Variants in TGFB2 observed in about 807,000 individuals in gnomAD.
The protein encoded by TGFB2 is transforming growth factor beta-2 proprotein.
Under a neutral mutation model 42.7 loss-of-function variants are expected in TGFB2, and 13 were observed. That is an observed-to-expected ratio of 0.30 (90% confidence interval 0.20 to 0.48). The LOEUF (loss-of-function observed/expected upper bound fraction) is 0.48. TGFB2 is among the 20% of genes least tolerant of loss of function. The pLI is 0.99. For synonymous variants in TGFB2, 193 were observed against 193.6 expected, an observed-to-expected ratio of 1.00 and a Z score of 0.03; for missense variants, 390 against 517.5, an observed-to-expected ratio of 0.75 and a Z score of 2.39.
At chr1:218,378,035 G>T (rs1558234891) in intron 1 of TGFB2, among the ~76,000 whole-genome samples, 1 of 152,046 alleles carries the variant, frequency 6.6e-6, no homozygotes, top group Non-Finnish European at 1.5e-5. Context: ...GAGTGCAGTG[G>T]TGCCATCTTG....
chr1:218,393,885 C>A (rs1283538892), intron 1 of TGFB2, among the ~76,000 whole-genome samples: 1 of 151,558 alleles, frequency 6.6e-6, no homozygotes, highest in East Asian at 2.0e-4. Flanking sequence ...GGCTCTGAGA[C>A]TCCTCTACGT....
At chr1:218,428,177 G>C (rs1185187401) in intron 2 of TGFB2, among the ~76,000 whole-genome samples, 1 of 152,072 alleles carries the variant, frequency 6.6e-6, no homozygotes, top group Non-Finnish European at 1.5e-5. Flanking sequence ...TTTTTGATGG[G>C]GTTGTTTGAT....
chr1:218,399,775 G>A (rs1658652157), intron 1 of TGFB2, among the ~76,000 whole-genome samples: 1 of 151,826 alleles, frequency 6.6e-6, no homozygotes, highest in Non-Finnish European at 1.5e-5. Context: ...CTTCTAATTT[G>A]GTCTGTCAGG....
chr1:218,399,696 G>A (rs1045257715), intron 1 of TGFB2, among the ~76,000 whole-genome samples: 1 of 152,092 alleles, frequency 6.6e-6, no homozygotes, highest in Admixed American at 6.5e-5. Context: ...CAGTGGAAAG[G>A]AATTAGAGTA....
chr1:218,413,359 G>C (rs1382603789), intron 2 of TGFB2, among the ~76,000 whole-genome samples: 1 of 152,214 alleles, frequency 6.6e-6, no homozygotes, highest in East Asian at 1.9e-4. Context: ...TTGCGTCACT[G>C]TTGGCGCTGG....
intron 2 of TGFB2, among the ~76,000 whole-genome samples, chr1:218,426,266 A>G (rs927050272): frequency 6.6e-6 from 1 of 152,222 alleles, no homozygotes; most frequent in African/African-American, 2.4e-5. Context: ...TAGACGTGTA[A>G]GAGATGTTGC....
rs1656702122 is a variant in TGFB2, at chr1:218,346,895, C to CGGA, written c.197_199dup (p.Glu66dup). On this transcript the variant is annotated inframe_insertion, in exon 1 of 7. Transcript: ENST00000366930. This position sits in a 1 kb window ranked among gnomAD's most constrained non-coding sequence, Gnocchi z 4.9. ...TATCCTGAGCCCGAGGAAGTCCCCC[C>CGGA]GGAGGTGATTTCCATCTACAACAGC... is the stretch of plus-strand genomic sequence containing the variant. 6.2e-7 allele frequency: 1 copy of CGGA among 1,614,070 alleles called. No individual in the cohort carries two copies. The highest frequency in any genetic ancestry group is 1.3e-5 in the African/African-American group (1 of 74,918).
intron 1 of TGFB2, among the ~76,000 whole-genome samples, chr1:218,356,393 T>G (rs571466385): frequency 2.4e-4 from 36 of 152,140 alleles, no homozygotes; most frequent in Non-Finnish European, 4.4e-4. Context: ...ATTTTTTCAA[T>G]TTTTTTGTAG....
At chr1:218,350,360 G>A (rs1429471726) in intron 1 of TGFB2, among the ~76,000 whole-genome samples, 2 of 152,150 alleles carry the variant, frequency 1.3e-5, no homozygotes, top group Non-Finnish European at 2.9e-5. Flanking sequence ...ACTTTGGGTT[G>A]TCATGACTGG....
chr1:218,354,670 G>A (rs1379395905), intron 1 of TGFB2, among the ~76,000 whole-genome samples: 1 of 152,164 alleles, frequency 6.6e-6, no homozygotes, highest in Non-Finnish European at 1.5e-5. Context: ...CCCTAATACA[G>A]AGCCCAGGAA....
At chr1:218,371,068 G>A (rs11118089) in intron 1 of TGFB2, among the ~76,000 whole-genome samples, 9,497 of 152,278 alleles carry the variant, frequency 0.062, 1,020 homozygotes, top group African/African-American at 0.22. Flanking sequence ...GGAAGGCCCG[G>A]TGGGAGGATC....
At chr1:218,371,811 C>T (rs2102555046) in intron 1 of TGFB2, among the ~76,000 whole-genome samples, 1 of 152,320 alleles carries the variant, frequency 6.6e-6, no homozygotes, top group Non-Finnish European at 1.5e-5. Flanking sequence ...TCTTATCTGT[C>T]TTGTGCGAGT....
intron 1 of TGFB2, among the ~76,000 whole-genome samples, chr1:218,402,230 T>G (rs1411688970): frequency 1.3e-5 from 2 of 152,230 alleles, no homozygotes. Context: ...TGTTAGCTAC[T>G]TCTACTTATA....
chr1:218,358,694 A>AC (rs559508938), intron 1 of TGFB2, among the ~76,000 whole-genome samples: 49 of 151,290 alleles, frequency 3.2e-4, no homozygotes, highest in African/African-American at 1.2e-3. Flanking sequence ...GACTACAGGC[A>AC]CCCCCCACCA....
chr1:218,395,406 T>G (rs1658470709), intron 1 of TGFB2, among the ~76,000 whole-genome samples: 1 of 152,184 alleles, frequency 6.6e-6, no homozygotes, highest in African/African-American at 2.4e-5. Context: ...CTTGTTATTT[T>G]ATTTGTATTT....
At chr1:218,438,966 A>G (rs778968032) in intron 6 of TGFB2, among the ~76,000 whole-genome samples, 4 of 152,012 alleles carry the variant, frequency 2.6e-5, no homozygotes, top group Non-Finnish European at 5.9e-5. Context: ...AAAATTAACC[A>G]GGCATGGTGG....
At chr1:218,430,859 C>G (rs927888415) in intron 2 of TGFB2, among the ~76,000 whole-genome samples, 3 of 152,146 alleles carry the variant, frequency 2.0e-5, no homozygotes, top group Admixed American at 1.3e-4. Flanking sequence ...GAAATTACAC[C>G]TTTAAATATG....
intron 1 of TGFB2, among the ~76,000 whole-genome samples, chr1:218,379,126 C>T (rs866378507): frequency 1.4e-5 from 2 of 143,788 alleles, no homozygotes; most frequent in South Asian, 2.2e-4. Context: ...TTCTTTCTTT[C>T]TTTCTTTTTT....
chr1:218,427,942 T>G (rs1345089212), intron 2 of TGFB2, among the ~76,000 whole-genome samples: 1 of 152,196 alleles, frequency 6.6e-6, no homozygotes, highest in African/African-American at 2.4e-5. Flanking sequence ...TAGTTTACAG[T>G]CCCACCAACA....
Sources: allele counts gnomAD v4.1 joint callset (sites outside exome capture counted in the v4.1 genomes callset), GRCh38; gene constraint gnomAD v4.1.1; non-coding constraint Gnocchi (gnomAD v3.1); transcripts MANE v1.5; gene names NCBI Gene and HGNC (gene_info 2026-07-23, HGNC 2026-07-21).